Variants in RTL4 observed in about 807,000 individuals in gnomAD.
RTL4 encodes the protein retrotransposon Gag like 4, also known as retrotransposon Gag-like protein 4.
RTL4 carries 4 observed loss-of-function variants against 5.3 expected under a neutral mutation model. The ratio of observed to expected loss-of-function variants is 0.75; its 90% CI spans 0.37 to 1.72. The LOEUF is 1.72. RTL4 is among the 40% of genes most tolerant of loss of function. RTL4 has a pLI of 0.04. For synonymous variants in RTL4, 98 were observed against 87.3 expected, an observed-to-expected ratio of 1.12 and a Z score of -0.68; for missense variants, 260 against 227.1, an observed-to-expected ratio of 1.14 and a Z score of -0.93.
chrX:112,439,513 G>A, the RTL4 span, among the ~76,000 whole-genome samples: 2 of 111,826 alleles, frequency 1.8e-5, no homozygotes, highest in Admixed American at 1.9e-4. Context: ...GTTTTGAGAT[G>A]ATACTACCCA....
At chrX:112,359,424 G>A in the RTL4 span, among the ~76,000 whole-genome samples, 2 of 111,373 alleles carry the variant, frequency 1.8e-5, no homozygotes, top group African/African-American at 6.5e-5. Flanking sequence ...ACCCTTCCCA[G>A]TCTCTGATAA....
chrX:112,083,893 A>T, the RTL4 span, among the ~76,000 whole-genome samples: 5 of 110,571 alleles, frequency 4.5e-5, no homozygotes, highest in African/African-American at 1.6e-4. Context: ...GCAGCATTTC[A>T]TGGCCTGGCC....
chrX:112,396,725 CT>C, the RTL4 span, among the ~76,000 whole-genome samples: 1 of 110,980 alleles, frequency 9.0e-6, no homozygotes, highest in Admixed American at 9.6e-5. Flanking sequence ...TTCAGATCGC[CT>C]TTGTTTTTGT....
the RTL4 span, among the ~76,000 whole-genome samples, chrX:112,180,007 G>T: frequency 9.0e-6 from 1 of 111,092 alleles, no homozygotes; most frequent in Non-Finnish European, 1.9e-5. Flanking sequence ...AAGAACATGG[G>T]CGTATTTTGC....
the RTL4 span, among the ~76,000 whole-genome samples, chrX:112,291,838 G>A: frequency 1.8e-5 from 2 of 109,824 alleles, no homozygotes; most frequent in African/African-American, 3.3e-5. Flanking sequence ...CTCGTAATCC[G>A]CCCCCCTCGG....
the RTL4 span, among the ~76,000 whole-genome samples, chrX:112,115,354 A>G: frequency 9.0e-6 from 1 of 111,556 alleles, no homozygotes; most frequent in Admixed American, 9.5e-5. Flanking sequence ...TTACCGACAT[A>G]TTCTCAAAAA....
At chrX:112,427,219 T>C in the RTL4 span, among the ~76,000 whole-genome samples, 2 of 110,998 alleles carry the variant, frequency 1.8e-5, no homozygotes, top group African/African-American at 6.5e-5. Flanking sequence ...AATCCAACAA[T>C]GTATAAAAAT....
At chrX:112,250,686 T>C in the RTL4 span, among the ~76,000 whole-genome samples, 4 of 112,445 alleles carry the variant, frequency 3.6e-5, no homozygotes, top group Non-Finnish European at 5.6e-5. Context: ...AGTACTGTTT[T>C]GTTTACATGG....
At chrX:112,166,881 A>G in the RTL4 span, among the ~76,000 whole-genome samples, 1 of 112,057 alleles carries the variant, frequency 8.9e-6, no homozygotes, top group African/African-American at 3.2e-5. Flanking sequence ...TAAATAACAT[A>G]AGTAATTTTG....
chrX:112,256,250 C>T, the RTL4 span, among the ~76,000 whole-genome samples: 1 of 111,770 alleles, frequency 8.9e-6, no homozygotes, highest in Non-Finnish European at 1.9e-5. Context: ...TAACAATGAA[C>T]AGTAAGCTTT....
chrX:112,279,160 C>T, the RTL4 span, among the ~76,000 whole-genome samples: 1 of 111,003 alleles, frequency 9.0e-6, no homozygotes, highest in Non-Finnish European at 1.9e-5. Flanking sequence ...AAGAAATCAT[C>T]AGTAAAATAA....
At chrX:112,116,181 A>G in the RTL4 span, among the ~76,000 whole-genome samples, 1 of 111,524 alleles carries the variant, frequency 9.0e-6, no homozygotes, top group African/African-American at 3.3e-5. Context: ...TTAGCCCCCA[A>G]ATTCTAAGGA....
the RTL4 span, among the ~76,000 whole-genome samples, chrX:112,437,147 G>A: frequency 4.5e-5 from 5 of 111,472 alleles, no homozygotes; most frequent in Non-Finnish European, 9.4e-5. Flanking sequence ...TCTCAGTCAC[G>A]ACTTGGCAGA....
the RTL4 span, among the ~76,000 whole-genome samples, chrX:112,419,031 G>GAT: frequency 8.1e-4 from 73 of 89,659 alleles, 1 homozygote; most frequent in African/African-American, 2.8e-3. Context: ...TTTCACATAA[G>GAT]ATATATATAT....
the RTL4 span, among the ~76,000 whole-genome samples, chrX:112,198,571 G>A: frequency 9.0e-6 from 1 of 111,447 alleles, no homozygotes; most frequent in East Asian, 2.8e-4. Context: ...ATGTCCTTTT[G>A]TCCTCTATTA....
At chrX:112,319,936 CA>C in the RTL4 span, 1 of 112,369 alleles carries the variant, frequency 8.9e-6, no homozygotes, top group South Asian at 3.7e-4. Flanking sequence ...AATGGAGAGC[CA>C]AAAGAATTAG....
the RTL4 span, among the ~76,000 whole-genome samples, chrX:112,183,280 A>C: frequency 8.9e-6 from 1 of 112,289 alleles, no homozygotes; most frequent in Admixed American, 9.4e-5. Context: ...ACCAGCTAGC[A>C]TCATAATGAC....
chrX:112,393,161 G>GTTTTTTTTTTTTTTTTT, the RTL4 span, among the ~76,000 whole-genome samples: 2 of 71,326 alleles, frequency 2.8e-5, no homozygotes, highest in Non-Finnish European at 5.6e-5. Flanking sequence ...TTTTTTTTTT[G>GTTTTTTTTTTTTTTTTT]TTTTTTTTTT....
At chrX:112,309,766 A>G in the RTL4 span, among the ~76,000 whole-genome samples, 1 of 109,239 alleles carries the variant, frequency 9.2e-6, no homozygotes, top group Non-Finnish European at 1.9e-5. Flanking sequence ...ATGGCCGGCT[A>G]TATGTATACA....
Sources: allele counts gnomAD v4.1 joint callset (sites outside exome capture counted in the v4.1 genomes callset), GRCh38; gene constraint gnomAD v4.1.1; transcripts MANE v1.5; gene names NCBI Gene and HGNC (gene_info 2026-07-23, HGNC 2026-07-21).